ANO9: variants seen among roughly 807,000 people sequenced by gnomAD.
The protein encoded by ANO9 is anoctamin-9.
Under a neutral mutation model 100.5 loss-of-function variants are expected in ANO9, and 80 were observed. The observed-to-expected ratio is 0.80, with a 90% CI of 0.66 to 0.96. The LOEUF (loss-of-function observed/expected upper bound fraction) is 0.96. Ranked by LOEUF, ANO9 falls within the 40% of genes least tolerant of loss-of-function variation. The pLI is 0.00. For missense variants in ANO9, 1,064 were observed against 1,072.7 expected (o/e 0.99, Z 0.11); for synonymous variants, 473 against 435.6 (o/e 1.09, Z -1.07).
rs373933628 is a variant in ANO9, at chr11:431,898, C to G, written c.415G>C (p.Glu139Gln). The G allele has an allele frequency of 2.5e-6, 4 of 1,610,876 alleles. No individual in the cohort carries two copies. Among genetic ancestry groups the G allele is most frequent in the East Asian group, 4.5e-5 (2 of 44,808 alleles). The part of the protein sequence containing the change: ...NNKTSAGETF[E>Q]DLMKDGVFEA... ...AAGACCCCGTCCTTCATCAGATCCT[C>G]GAAGGTCTCTGGGTCACAGGGGTTC... Residue 139 changes from glutamate to glutamine, a missense_variant, in exon 6 of 23, where the codon GAG becomes CAG. Coordinates refer to ENST00000332826, the MANE Select transcript of ANO9 (RefSeq NM_001012302.3).
At chr11:433,532 C>CTATCCCGCCTCAGAACCCTCCCCCG (rs1849200677) in intron 3 of ANO9, 73 bp from the exon 4 acceptor site, 1 of 1,576,214 alleles carries the variant, frequency 6.3e-7, no homozygotes, top group African/African-American at 1.5e-5. Context: ...ACCCTCCCCC[C>CTATCCCGCCTCAGAACCCTCCCCCG]TCTATTCCAC....
chr11:421,154 C>G lies in ANO9; in HGVS notation c.1379G>C (p.Trp460Ser). The change falls in exon 16 of 23, where the codon TGG (tryptophan) becomes TCG (serine). Residue 460 changes from tryptophan to serine, a missense_variant. Coordinates refer to ENST00000332826, the MANE Select transcript of ANO9 (RefSeq NM_001012302.3). This position sits in a 1 kb window ranked among gnomAD's most constrained non-coding sequence, Gnocchi z 6.8. ...GGGGTGACTGACCTCTTCCAGCTTC[C>G]ACAAGCCCGCCAGGCGCGTGGACTT... ...PGKSTRLAGL[W>S]KLEECHASGC... 6.4e-7 allele frequency: 1 copy of G among 1,567,600 alleles called. No individual in the cohort carries two copies. The highest frequency in any genetic ancestry group is 8.7e-7 in the Non-Finnish European group (1 of 1,152,056).
rs115701461 is a variant in ANO9, at chr11:441,854, G to A, written c.6+67C>T. The A allele has an allele frequency of 4.5e-3, 7,061 of 1,558,414 alleles. 247 individuals carry two copies. In the African/African-American group the frequency reaches 0.081, roughly 18 times the overall value. On this transcript the variant is annotated intron_variant, in intron 1 of 22. Transcript: ENST00000332826. ...GTGGGGCTGGCGGGGGGCTGGGGCC[G>A]GGGGCCCCAGGTGTGGGCGTGGCTG...
At chr11:420,337 C>G in intron 19 of ANO9, 126 bp downstream of exon 19, 1 of 1,488,062 alleles carries the variant, frequency 6.7e-7, no homozygotes. Context: ...CGGAGAAGGG[C>G]TGGGGGCTGT....
Position 420,489 on chromosome 11 carries a change from A to G in ANO9, c.1760T>C (p.Leu587Pro). The G allele has an allele frequency of 6.2e-7, 1 of 1,603,660 alleles. No homozygotes were observed. Among genetic ancestry groups the G allele is most frequent in the Admixed American group, 1.7e-5 (1 of 59,932 alleles). ...AIKMVWLQRR[L>P]VPRKAKDIGT... ...GATGTCCTTGGCCTTGCGCGGCACCAGGCGCCGCTGCAACCAGACCATCTT... is the reference window on the plus strand; with the variant it reads ...GATGTCCTTGGCCTTGCGCGGCACCGGGCGCCGCTGCAACCAGACCATCTT... The change falls in exon 19 of 23, where the codon CTG (leucine) becomes CCG (proline). Residue 587 changes from leucine to proline, a missense_variant. By Grantham distance (98) the Leu-to-Pro change is moderately conservative. Transcript: ENST00000332826.
At chr11:419,378 C>T (rs1237378223) in intron 20 of ANO9, 1 of 1,420,548 alleles carries the variant, frequency 7.0e-7, no homozygotes, top group African/African-American at 1.4e-5. Flanking sequence ...AACTGCGGTC[C>T]TGGCCAGTTA....
rs199708219 is a variant in ANO9, at chr11:419,690, G to A, written c.1826C>T (p.Ala609Val). 3.7e-5 allele frequency: 60 copies of A among 1,608,740 alleles called. No homozygotes were observed. The highest frequency in any genetic ancestry group is 8.4e-5 in the Admixed American group (5 of 59,710). ...AATGACCATCCCATTGGCAATGACC[G>A]CCAGCACACCGATGGTCTCCAGCAC... Reference protein sequence around the residue: ...LQVLETIGVLAVIANGMVIAF... With the variant: ...LQVLETIGVLVVIANGMVIAF... Residue 609 changes from alanine (A) to valine (V), a missense_variant, in exon 20 of 23, where the codon GCG (alanine) becomes GTG (valine). Physicochemically the swap from Ala to Val is moderately conservative, Grantham distance 64. Transcript: ENST00000332826.
intron 19 of ANO9, chr11:420,163 C>T (rs1848084677): frequency 2.2e-6 from 3 of 1,367,792 alleles, no homozygotes; most frequent in African/African-American, 2.9e-5. Context: ...GGACAGAGGC[C>T]GGCTGCTCTG....
Position 418,589 on chromosome 11 carries a change from G to T in ANO9, c.2131C>A (p.His711Asn). ...IRLAFVILFE[H>N]VALCIKLIAA... ...ATGAGCTTGATGCACAAGGCCACGT[G>T]CTAGCGGCAGCACAGGAGAGGCCCA... The change falls in exon 23 of 23, where the codon CAC (histidine) becomes AAC (asparagine). Residue 711 changes from histidine (H) to asparagine (N), a missense_variant and splice_region_variant. His to Asn is a moderately conservative substitution (Grantham distance 68). Coordinates refer to ENST00000332826, the MANE Select transcript of ANO9 (RefSeq NM_001012302.3). 6.2e-7 allele frequency: 1 copy of T among 1,612,904 alleles called. No individual in the cohort carries two copies. The highest frequency in any genetic ancestry group is 8.5e-7 in the Non-Finnish European group (1 of 1,179,992).
At chr11:428,859 G>C in intron 11 of ANO9, 33 bp from the exon 12 acceptor site, 1 of 1,598,174 alleles carries the variant, frequency 6.3e-7, no homozygotes, top group Non-Finnish European at 8.6e-7. Flanking sequence ...CTCAGACAAG[G>C]GACACTCACC....
At chr11:437,402 G>A (rs573907178) in intron 1 of ANO9, among the ~76,000 whole-genome samples, 5 of 152,074 alleles carry the variant, frequency 3.3e-5, no homozygotes, top group Non-Finnish European at 5.9e-5. Context: ...GCCTCCCTGC[G>A]GGGGGAAGTT....
At chr11:438,388 C>T (rs1180271198) in intron 1 of ANO9, among the ~76,000 whole-genome samples, 2 of 122,956 alleles carry the variant, frequency 1.6e-5, no homozygotes, top group East Asian at 6.0e-4. Flanking sequence ...GGTGTAGCCC[C>T]CCCCCGACTC....
chr11:429,675 C>T (rs767634638), intron 10 of ANO9, 23 bp from the exon 11 acceptor site: 2 of 1,612,570 alleles, frequency 1.2e-6, no homozygotes, highest in East Asian at 2.2e-5. Context: ...CAAGGAGGGG[C>T]ATCACTGCAC....
At position 429,965 on chromosome 11, in the gene ANO9, G is replaced by A. The variant is rs548828374; in HGVS notation, c.771+118C>T. On this transcript the variant is annotated intron_variant, in intron 9 of 22. Transcript: ENST00000332826. ...GGGCTGGGGCTGGGCCTCCCCGTCA[G>A]CCCTGTGGGGAAAGCTGAGCAGCTC... The A allele has an allele frequency of 3.5e-4, 478 of 1,366,814 alleles. 2 individuals carry two copies. The highest frequency in any genetic ancestry group is 6.0e-4 in the South Asian group (48 of 79,872). The allele number at this position is 1,366,814 out of a possible 1,614,324, so 84.7% of individuals were successfully genotyped here.
chr11:429,807 G>C lies in ANO9; in HGVS notation c.783C>G (p.Leu261=). The C allele has an allele frequency of 6.2e-7, 1 of 1,605,402 alleles. No homozygotes were observed. Among genetic ancestry groups the C allele is most frequent in the Non-Finnish European group, 8.5e-7 (1 of 1,174,614 alleles). The change falls in exon 10 of 23, where the codon CTC becomes CTG. Residue 261 remains leucine (L), a synonymous_variant. Coordinates refer to ENST00000332826, the MANE Select transcript of ANO9 (RefSeq NM_001012302.3). ...ETCTFAKLTH[L]FDNDGTVVFA... ...ACACCACCGTGCCATCATTGTCAAA[G>C]AGGTGGGTGAGCTGGGGGGGTGATA...
rs118018102 is a variant in ANO9, at chr11:422,358, A to C, written c.1335-1160T>G. On this transcript the variant is annotated intron_variant, in intron 15 of 22. Transcript: ENST00000332826. The surrounding 1 kb of genome is among the most constrained non-coding windows in gnomAD (Gnocchi z 4.3). ...TCTTGGAGCCTGTGACCACGTTCTT[A>C]CCTGGCAAAGGAATTTTATCTCACA... is the stretch of plus-strand genomic sequence containing the variant. 4.7e-4 allele frequency among the ~76,000 whole-genome samples: 71 copies of C among 152,382 alleles called. No homozygotes were observed. Among genetic ancestry groups the C allele is most frequent in the Middle Eastern group, 6.8e-3 (2 of 294 alleles).
In ANO9 at chr11:420,954, T is replaced by G. The variant is rs1590414319; in HGVS notation, c.1481A>C (p.Tyr494Ser). 6.2e-7 allele frequency: 1 copy of G among 1,604,770 alleles called. No individual in the cohort carries two copies. The highest frequency in any genetic ancestry group is 8.5e-7 in the Non-Finnish European group (1 of 1,174,644). Residue 494 changes from tyrosine to serine, a missense_variant, in exon 17 of 23, where the codon TAC becomes TCC. Transcript: ENST00000332826. ...LKQTLSNCVE[Y>S]LVPWVTHKCR... ...GGGGGTCGGCACTCACGGGACCAGG[T>G]ACTCGACGCAGTTGCTGAGCGTCTG...
chr11:421,416 G>T lies in ANO9; in HGVS notation c.1335-218C>A. On this transcript the variant is annotated intron_variant, in intron 15 of 22. Transcript: ENST00000332826. The surrounding 1 kb of genome is among the most constrained non-coding windows in gnomAD (Gnocchi z 6.8). ...CAGGGGAGGCCACAGGCTCCCAGAT[G>T]AACCGCACCCACACGTGGGCGCGCG... 7.1e-6 allele frequency: 3 copies of T among 422,168 alleles called. No homozygotes were observed. The highest frequency in any genetic ancestry group is 1.2e-5 in the Non-Finnish European group (3 of 243,892). The allele number at this position is 422,168 out of a possible 1,614,324, so 26.2% of individuals were successfully genotyped here.
At chr11:441,681 T>A (rs1845884207) in intron 1 of ANO9, among the ~76,000 whole-genome samples, 1 of 152,068 alleles carries the variant, frequency 6.6e-6, no homozygotes, top group African/African-American at 2.4e-5. Flanking sequence ...AATCCCGGGC[T>A]GGAGGGAGGA....
Sources: gnomAD v4.1 joint callset for allele counts (sites outside exome capture counted in the v4.1 genomes callset) on GRCh38, gnomAD v4.1.1 for gene constraint, Gnocchi (gnomAD v3.1) non-coding constraint, MANE v1.5 for transcripts, NCBI Gene and HGNC (gene_info 2026-07-23, HGNC 2026-07-21) for gene names.